The following ACADM variants were observed in gnomAD, a reference collection of about 807,000 sequenced individuals.
ACADM encodes acyl-CoA dehydrogenase medium chain, also known as medium-chain specific acyl-CoA dehydrogenase, mitochondrial.
A neutral mutation model predicts 58.9 loss-of-function variants in ACADM; 49 were observed. The observed-to-expected ratio is 0.83, with a 90% CI of 0.66 to 1.06. The LOEUF (loss-of-function observed/expected upper bound fraction) is 1.06, where lower values mean the gene tolerates loss of function less well. Ranked by LOEUF, ACADM falls within the 50% of genes least tolerant of loss-of-function variation. The pLI is 0.00. For missense variants in ACADM, 496 were observed against 507.0 expected, an observed-to-expected ratio of 0.98 and a Z score of 0.21; for synonymous variants, 160 against 157.7, an observed-to-expected ratio of 1.01 and a Z score of -0.11.
In ACADM at chr1:75,750,456, T is replaced by G; in HGVS notation, c.855T>G (p.Ala285=). The G allele has an allele frequency of 6.2e-7, 1 of 1,610,348 alleles. No homozygotes were observed. Among genetic ancestry groups the G allele is most frequent in the South Asian group, 1.1e-5 (1 of 90,332 alleles). The part of the protein sequence containing the change: ...GAFDKTRPVV[A]AGAVGLAQRA... ...ATAATATCTTAAAATACTAGGTAGC[T>G]GCTGGTGCTGTTGGATTAGCACAAA... The change falls in exon 10 of 12, where the codon GCT becomes GCG. Residue 285 remains alanine, a synonymous_variant. Coordinates refer to ENST00000370841, the MANE Select transcript of ACADM (RefSeq NM_000016.6).
chr1:75,725,105 CG>C (rs1647029427), intron 1 of ACADM, among the ~76,000 whole-genome samples: 1 of 152,050 alleles, frequency 6.6e-6, no homozygotes, highest in Non-Finnish European at 1.5e-5. Context: ...ATATTTACCG[CG>C]GGAATCCCAC....
intron 10 of ACADM, among the ~76,000 whole-genome samples, chr1:75,751,517 G>A (rs1365391710): frequency 2.0e-5 from 3 of 150,892 alleles, no homozygotes; most frequent in Admixed American, 6.6e-5. Flanking sequence ...CGGGGGGTGG[G>A]AGACAAAGTC....
intron 6 of ACADM, among the ~76,000 whole-genome samples, chr1:75,737,105 A>G (rs1265873767): frequency 6.6e-6 from 1 of 151,266 alleles, no homozygotes; most frequent in Non-Finnish European, 1.5e-5. Context: ...AAAAAATAAT[A>G]CAGAAAAAAA....
At chr1:75,736,542 A>G (rs2100378011) in intron 6 of ACADM, among the ~76,000 whole-genome samples, 1 of 152,302 alleles carries the variant, frequency 6.6e-6, no homozygotes, top group African/African-American at 2.4e-5. Context: ...CCTGTAGCAT[A>G]TACAGTCAGC....
intron 10 of ACADM, among the ~76,000 whole-genome samples, chr1:75,758,102 G>T (rs1648612536): frequency 6.6e-6 from 1 of 151,530 alleles, no homozygotes; most frequent in South Asian, 2.1e-4. Context: ...CCCTCTTGTT[G>T]CCCAGGCTGG....
intron 11 of ACADM, chr1:75,761,583 T>G: frequency 3.4e-6 from 2 of 596,518 alleles, no homozygotes; most frequent in African/African-American, 3.7e-5. Flanking sequence ...CTAAAAAAAA[T>G]GGTACAGACA....
chr1:75,746,598 A>ATTT (rs769123360), intron 8 of ACADM, among the ~76,000 whole-genome samples: 4 of 140,448 alleles, frequency 2.8e-5, no homozygotes, highest in Non-Finnish European at 4.6e-5. Flanking sequence ...CAATAAAGTA[A>ATTT]TTTTTTTTTT....
chr1:75,733,298 A>G, intron 4 of ACADM: 1 of 1,174,238 alleles, frequency 8.5e-7, no homozygotes, highest in Non-Finnish European at 1.2e-6. Flanking sequence ...TCAAGTTAGA[A>G]CAGGAATACA....
At chr1:75,725,055 C>G (rs953595014) in intron 1 of ACADM, among the ~76,000 whole-genome samples, 2 of 152,140 alleles carry the variant, frequency 1.3e-5, no homozygotes, top group African/African-American at 4.8e-5. Context: ...GGCATCCTCT[C>G]TTTAGAATAT....
At chr1:75,745,738 CTG>C (rs1647858870) in intron 7 of ACADM, 66 bp from the exon 8 acceptor site, 1 of 1,098,684 alleles carries the variant, frequency 9.1e-7, no homozygotes. Context: ...AGAGAATTAA[CTG>C]AGAGAGCAAT....
In ACADM at chr1:75,745,702, G is replaced by A. The variant is rs928587984; in HGVS notation, c.600-104G>A. ...TTATTTATTTCCTCATTTGTAAAATGTAGGTAATAATAATTGGGATTGTTA... is the reference window on the plus strand; with the variant it reads ...TTATTTATTTCCTCATTTGTAAAATATAGGTAATAATAATTGGGATTGTTA... On this transcript the variant is annotated intron_variant, in intron 7 of 11. Coordinates refer to ENST00000370841, the MANE Select transcript of ACADM (RefSeq NM_000016.6). The A allele has an allele frequency of 7.8e-6, 7 of 897,852 alleles. No homozygotes were observed. In the South Asian group the frequency reaches 9.5e-5, roughly 12 times the overall value. 55.6% of individuals were successfully genotyped at this position (897,852 alleles called of 1,614,324 possible).
At position 75,756,558 on chromosome 1, in the gene ACADM, AAG is replaced by A. The variant is rs528710208; in HGVS notation, c.946-4561_946-4560del. ...CACAAACCACCACTCAATGAAATAA[AAG>A]AGGACACAAACAAGTGGAAGAACAT... is the stretch of plus-strand genomic sequence containing the variant. On this transcript the variant is annotated intron_variant, in intron 10 of 11. Coordinates refer to ENST00000370841, the MANE Select transcript of ACADM (RefSeq NM_000016.6). 2.1e-3 allele frequency among the ~76,000 whole-genome samples: 313 copies of A among 152,326 alleles called. 2 individuals are homozygous for A. The highest frequency in any genetic ancestry group is 7.0e-3 in the African/African-American group (292 of 41,580).
chr1:75,734,133 G>A (rs896498320), intron 5 of ACADM, among the ~76,000 whole-genome samples: 17 of 149,178 alleles, frequency 1.1e-4, no homozygotes, highest in Admixed American at 5.4e-4. Flanking sequence ...TTACAAGTGC[G>A]CACCACCACG....
At chr1:75,753,861 ATCTCAGC>A (rs1648345398) in intron 10 of ACADM, among the ~76,000 whole-genome samples, 1 of 127,614 alleles carries the variant, frequency 7.8e-6, no homozygotes, top group African/African-American at 3.2e-5. Flanking sequence ...CAATGGTGTG[ATCTCAGC>A]TCACTGCAAC....
chr1:75,734,717 TG>T (rs1243304253), intron 5 of ACADM, 73 bp from the exon 6 acceptor site: 1 of 1,206,636 alleles, frequency 8.3e-7, no homozygotes, highest in Non-Finnish European at 1.2e-6. Context: ...TTTTTCATTT[TG>T]AATTATAGCA....
intron 4 of ACADM, 154 bp from the exon 5 acceptor site, chr1:75,733,374 T>C (rs1647185388): frequency 1.0e-6 from 1 of 981,100 alleles, no homozygotes; most frequent in South Asian, 1.7e-5. Flanking sequence ...GTATAATTTC[T>C]TATTGTGCCA....
chr1:75,734,863 T>A lies in ACADM; in HGVS notation c.460T>A (p.Leu154Met). Residue 154 changes from leucine (L) to methionine (M), a missense_variant, in exon 6 of 12, where the codon TTG (leucine) becomes ATG (methionine). Transcript: ENST00000370841. The stretch of plus-strand genomic sequence containing the variant: ...TTTGGGGAGAATGACTGAGGAGCCA[T>A]TGATGTGTGTGAGTATGTGTAACTG... ...KYLGRMTEEP[L>M]MCAYCVTEPG... The A allele has an allele frequency of 6.2e-7, 1 of 1,612,604 alleles. No individual in the cohort carries two copies. Among genetic ancestry groups the A allele is most frequent in the South Asian group, 1.1e-5 (1 of 91,050 alleles).
intron 7 of ACADM, chr1:75,743,988 C>T (rs1416769987): frequency 5.7e-6 from 9 of 1,566,018 alleles, no homozygotes; most frequent in African/African-American, 2.7e-5. Flanking sequence ...TGTGCCGAGC[C>T]CTCATCTTCT....
chr1:75,724,975 T>A (rs1647025998), intron 1 of ACADM, among the ~76,000 whole-genome samples, 158 bp downstream of exon 1: 1 of 152,112 alleles, frequency 6.6e-6, no homozygotes, highest in African/African-American at 2.4e-5. Flanking sequence ...TCACGCCTCC[T>A]ACCACCGGAC....
Sources: allele counts gnomAD v4.1 joint callset (sites outside exome capture counted in the v4.1 genomes callset), GRCh38; gene constraint gnomAD v4.1.1; transcripts MANE v1.5; gene names NCBI Gene and HGNC (gene_info 2026-07-23, HGNC 2026-07-21).